Variants in IPO11 observed in about 807,000 individuals in gnomAD.
IPO11 encodes importin-11.
Under a neutral mutation model 143.2 loss-of-function variants are expected in IPO11, and 66 were observed. The observed-to-expected ratio is 0.46, with a 90% CI of 0.38 to 0.57. The LOEUF (loss-of-function observed/expected upper bound fraction) is 0.57. Among genes scored for constraint, IPO11 ranks in the 20% least tolerant of loss-of-function variants. The probability of loss-of-function intolerance (pLI) is 0.00; values close to 1 mark genes in which losing one functional copy is unlikely to be tolerated. For synonymous variants in IPO11, 385 were observed against 377.8 expected, an observed-to-expected ratio of 1.02 and a Z score of -0.22; for missense variants, 1,026 against 1,141.0, an observed-to-expected ratio of 0.90 and a Z score of 1.45.
chr5:62,491,820 C>T (rs1031682804), intron 15 of IPO11, among the ~76,000 whole-genome samples: 4 of 151,964 alleles, frequency 2.6e-5, no homozygotes, highest in Admixed American at 2.6e-4. Context: ...TGCCCGCCAC[C>T]ATGCCCGGCT....
intron 1 of IPO11, chr5:62,419,049 A>AT (rs1476312958): frequency 5.2e-6 from 8 of 1,551,324 alleles, no homozygotes. Flanking sequence ...GCTATGTGGT[A>AT]TATAGCTTAT....
chr5:62,504,608 TATTA>T (rs1359671282), intron 16 of IPO11, 55 bp from the exon 17 acceptor site: 1 of 1,017,228 alleles, frequency 9.8e-7, no homozygotes. Context: ...TTTTGTTTGA[TATTA>T]ATGATGTTTA....
At chr5:62,490,277 A>G (rs996221642) in intron 15 of IPO11, 57 bp downstream of exon 15, 3 of 1,167,976 alleles carry the variant, frequency 2.6e-6, no homozygotes, top group South Asian at 1.6e-5. Flanking sequence ...TATTTTATTA[A>G]TGAAGACAGG....
intron 27 of IPO11, among the ~76,000 whole-genome samples, chr5:62,564,205 A>T (rs1232283122): frequency 6.6e-6 from 1 of 152,096 alleles, no homozygotes; most frequent in East Asian, 1.9e-4. Flanking sequence ...AAAAACCTTT[A>T]TTGCAGTAGA....
At chr5:62,460,182 T>A (rs1346170714) in intron 5 of IPO11, among the ~76,000 whole-genome samples, 2 of 152,260 alleles carry the variant, frequency 1.3e-5, no homozygotes. Flanking sequence ...CATTTAATAC[T>A]TTTATCCAGT....
At chr5:62,523,168 C>T (rs948875787) in intron 20 of IPO11, among the ~76,000 whole-genome samples, 1 of 152,184 alleles carries the variant, frequency 6.6e-6, no homozygotes, top group African/African-American at 2.4e-5. Context: ...TTACTTTTAT[C>T]TCTTCTTATT....
At chr5:62,504,205 T>A (rs1741459729) in intron 16 of IPO11, among the ~76,000 whole-genome samples, 1 of 152,204 alleles carries the variant, frequency 6.6e-6, no homozygotes, top group Non-Finnish European at 1.5e-5. Context: ...TTGGGGATAT[T>A]TCAAAGATTT....
At chr5:62,575,591 G>A (rs772553785) in intron 27 of IPO11, among the ~76,000 whole-genome samples, 3 of 152,006 alleles carry the variant, frequency 2.0e-5, no homozygotes, top group Non-Finnish European at 2.9e-5. Context: ...TCCCCCAGCA[G>A]AATAGAGTGT....
Position 62,542,952 on chromosome 5 carries a change from C to T in IPO11, c.2250+5663C>T, listed in dbSNP as rs532310251. Among the ~76,000 whole-genome samples, 4 of 152,268 alleles carry T rather than the reference C, an allele frequency of 2.6e-5. No individual in the cohort carries two copies. The East Asian group carries it at 5.8e-4, about 22-fold the overall frequency. On this transcript the variant is annotated intron_variant, in intron 24 of 29. Coordinates refer to ENST00000325324, the MANE Select transcript of IPO11 (RefSeq NM_016338.5). ...TATTGTGTAATAATAATAGCTCATA[C>T]TAGCATTTAACATATGCTACATATT...
chr5:62,481,655 G>C lies in IPO11; in HGVS notation c.829-1446G>C, dbSNP rs534556388. 2.6e-5 allele frequency among the ~76,000 whole-genome samples: 4 copies of C among 152,040 alleles called. No individual in the cohort carries two copies. In the South Asian group the frequency reaches 6.2e-4, roughly 24 times the overall value. On this transcript the variant is annotated intron_variant, in intron 9 of 29. Coordinates refer to ENST00000325324, the MANE Select transcript of IPO11 (RefSeq NM_016338.5). ...AGCTTTTTGATGTGCTTCTGGATTC[G>C]GTTTGTTTGCCAGTATTTTATTGAG...
intron 27 of IPO11, among the ~76,000 whole-genome samples, chr5:62,591,352 C>G (rs778060536): frequency 6.6e-6 from 1 of 151,724 alleles, no homozygotes; most frequent in East Asian, 1.9e-4. Flanking sequence ...CCTTTACTAT[C>G]GAATCTATCC....
intron 19 of IPO11, among the ~76,000 whole-genome samples, chr5:62,511,467 T>C (rs1432400259): frequency 6.6e-6 from 1 of 152,346 alleles, no homozygotes; most frequent in East Asian, 1.9e-4. Context: ...ATGATAAATA[T>C]GTTAAAATAA....
intron 29 of IPO11, among the ~76,000 whole-genome samples, chr5:62,626,482 G>T (rs2112490294): frequency 6.6e-6 from 1 of 152,262 alleles, no homozygotes; most frequent in South Asian, 2.1e-4. Context: ...ATCACACATT[G>T]CACTTAGCCT....
rs560577444 is a variant in IPO11, at chr5:62,623,263, C to T, written c.2764-3891C>T. On this transcript the variant is annotated intron_variant, in intron 29 of 29. Transcript: ENST00000325324. ...TTAAGATTTTTTGGCCTGTTACATA[C>T]CTAGTGTATTTATATGTCTCCTACC... Among the ~76,000 whole-genome samples the T allele has an allele frequency of 3.9e-5, 6 of 152,160 alleles. No individual in the cohort carries two copies. In the South Asian group the frequency reaches 8.3e-4, roughly 21 times the overall value.
At chr5:62,487,571 TATTA>T (rs1291620095) in intron 12 of IPO11, among the ~76,000 whole-genome samples, 196 bp from the exon 13 acceptor site, 9 of 152,160 alleles carry the variant, frequency 5.9e-5, no homozygotes, top group African/African-American at 9.7e-5. Flanking sequence ...AACTTTCTTT[TATTA>T]ATTATAATTC....
At chr5:62,520,677 T>C (rs1742174873) in intron 20 of IPO11, among the ~76,000 whole-genome samples, 1 of 152,214 alleles carries the variant, frequency 6.6e-6, no homozygotes, top group Non-Finnish European at 1.5e-5. Flanking sequence ...TCCAGCTTCA[T>C]CCATGTCCCT....
chr5:62,591,756 T>C, intron 28 of IPO11, 84 bp downstream of exon 28: 3 of 784,470 alleles, frequency 3.8e-6, no homozygotes, highest in Non-Finnish European at 6.1e-6. Flanking sequence ...CATCACTCTA[T>C]AAGCACAGTA....
intron 22 of IPO11, among the ~76,000 whole-genome samples, chr5:62,534,944 G>C (rs1354065873): frequency 6.6e-6 from 1 of 151,936 alleles, no homozygotes; most frequent in Middle Eastern, 3.2e-3. Context: ...CTAGGAACTT[G>C]TGGATGTAAT....
At chr5:62,460,769 A>G (rs1488309386) in intron 5 of IPO11, among the ~76,000 whole-genome samples, 1 of 152,108 alleles carries the variant, frequency 6.6e-6, no homozygotes, top group Non-Finnish European at 1.5e-5. Context: ...TAAACAGTTT[A>G]TTTGCATATT....
Sources: allele counts gnomAD v4.1 joint callset (sites outside exome capture counted in the v4.1 genomes callset), GRCh38; gene constraint gnomAD v4.1.1; transcripts MANE v1.5; gene names NCBI Gene and HGNC (gene_info 2026-07-23, HGNC 2026-07-21).